The following CMTM4 variants were observed in gnomAD, a reference collection of about 807,000 sequenced individuals.
The protein encoded by CMTM4 is CKLF like MARVEL transmembrane domain containing 4.
In CMTM4, 8 loss-of-function variants were observed where a neutral mutation model predicts 19.0. The observed-to-expected ratio is 0.42, with a 90% CI of 0.25 to 0.76. The LOEUF is 0.76. Ranked by LOEUF, CMTM4 falls within the 30% of genes least tolerant of loss-of-function variation. The pLI is 0.27. For missense variants in CMTM4, 228 were observed against 290.2 expected, an observed-to-expected ratio of 0.79 and a Z score of 1.56; for synonymous variants, 106 against 121.1, an observed-to-expected ratio of 0.88 and a Z score of 0.82.
chr16:66,613,117 A>T (rs534442600), downstream of CMTM4: 5 of 703,036 alleles, frequency 7.1e-6, no homozygotes, highest in South Asian at 7.4e-5. Context: ...CACTTTGGTG[A>T]CAATGACCCT....
At position 66,649,662 on chromosome 16, in the gene CMTM4, C is replaced by T. The variant is rs2016275059; in HGVS notation, c.187-13081G>A. On this transcript the variant is annotated intron_variant, in intron 1 of 3. Transcript: ENST00000394106. ...CTCAGCAGCCTCCCCACTCCCTAAG[C>T]CTGGGCTCAACCTCAGCCTTGCACT... 2.0e-5 allele frequency among the ~76,000 whole-genome samples: 3 copies of T among 152,270 alleles called. No individual in the cohort carries two copies. In the South Asian group the frequency reaches 6.2e-4, roughly 32 times the overall value.
intron 1 of CMTM4, among the ~76,000 whole-genome samples, chr16:66,639,167 G>A (rs894725564): frequency 1.3e-5 from 2 of 152,046 alleles, no homozygotes; most frequent in African/African-American, 4.8e-5. Context: ...TGCCTAACTT[G>A]CAATCAATTC....
chr16:66,665,282 A>G (rs1437703422), intron 1 of CMTM4, among the ~76,000 whole-genome samples: 1 of 151,150 alleles, frequency 6.6e-6, no homozygotes, highest in African/African-American at 2.4e-5. Context: ...AAAAAAAAAA[A>G]AAAAAAATTT....
chr16:66,658,292 G>A (rs911401648), intron 1 of CMTM4, among the ~76,000 whole-genome samples: 1 of 151,402 alleles, frequency 6.6e-6, no homozygotes, highest in Admixed American at 6.6e-5. Flanking sequence ...AGGGAGGGGA[G>A]GAAACCATTA....
At chr16:66,653,717 G>A (rs2016351557) in intron 1 of CMTM4, among the ~76,000 whole-genome samples, 1 of 152,116 alleles carries the variant, frequency 6.6e-6, no homozygotes, top group Non-Finnish European at 1.5e-5. Context: ...CATCCTGATA[G>A]AAACATGGTT....
At chr16:66,671,600 G>A (rs2144882018) in intron 1 of CMTM4, among the ~76,000 whole-genome samples, 1 of 152,228 alleles carries the variant, frequency 6.6e-6, no homozygotes, top group South Asian at 2.1e-4. Flanking sequence ...CCAGACTGTT[G>A]CTTACACAGC....
At chr16:66,686,390 A>C (rs938397584) in intron 1 of CMTM4, among the ~76,000 whole-genome samples, 8 of 151,456 alleles carry the variant, frequency 5.3e-5, no homozygotes, top group East Asian at 1.9e-4. Context: ...GGGAAACCCT[A>C]TCTCTACAAA....
At chr16:66,664,972 G>C (rs531276528) in intron 1 of CMTM4, among the ~76,000 whole-genome samples, 2 of 151,890 alleles carry the variant, frequency 1.3e-5, no homozygotes, top group Admixed American at 6.6e-5. Flanking sequence ...CTCCGAGAGA[G>C]AGTCTCCCTC....
chr16:66,689,338 T>C (rs1370796609), intron 1 of CMTM4, among the ~76,000 whole-genome samples: 2 of 152,232 alleles, frequency 1.3e-5, no homozygotes. Flanking sequence ...GCTGACAGCA[T>C]TTATTATGGA....
chr16:66,619,299 T>TA lies in CMTM4; in HGVS notation c.*2758dup. 1 of 985,468 alleles carries TA rather than the reference T, an allele frequency of 1.0e-6. No individual in the cohort carries two copies. Among genetic ancestry groups the TA allele is most frequent in the Non-Finnish European group, 1.2e-6 (1 of 829,936 alleles). The allele number at this position is 985,468 out of a possible 1,614,324, so 61.0% of individuals were successfully genotyped here. A position where few individuals can be genotyped will look rare whatever the true frequency, so the allele number is the denominator to read the frequency against. ...GAGGACATCAGTGTTTGCATCCATC[T>TA]AAAACCACCAGAGGTTCCACCAAAT... On this transcript the variant is annotated 3_prime_UTR_variant, in exon 4 of 4. Transcript: ENST00000394106.
At chr16:66,600,759 C>T in the CMTM4 span, among the ~76,000 whole-genome samples, 2 of 152,180 alleles carry the variant, frequency 1.3e-5, no homozygotes, top group Non-Finnish European at 2.9e-5. Context: ...CCACCATCAC[C>T]AGCAGCAGCA....
At chr16:66,661,898 A>G (rs1212967735) in intron 1 of CMTM4, among the ~76,000 whole-genome samples, 1 of 152,144 alleles carries the variant, frequency 6.6e-6, no homozygotes, top group African/African-American at 2.4e-5. Context: ...GCACCACTGC[A>G]CTCCAGCCTG....
At chr16:66,683,161 G>GTATATATATATATACATATA (rs1491447885) in intron 1 of CMTM4, among the ~76,000 whole-genome samples, 1 of 81,504 alleles carries the variant, frequency 1.2e-5, no homozygotes, top group African/African-American at 4.5e-5. Context: ...ATATATATAC[G>GTATATATATATATACATATA]TATATATATA....
chr16:66,696,603 T>TCGCCGCCGTCGCCGC lies in CMTM4; in HGVS notation c.-79_-78insGCGGCGACGGCGGCG, dbSNP rs2017243174. ...GGGCGGACTCAGCGGGGCCGCCGCA[T>TCGCCGCCGTCGCCGC]CGCCGCCGCCGCCGCCGCCGCCGCC... On this transcript the variant is annotated 5_prime_UTR_variant, in exon 1 of 4. Coordinates refer to ENST00000394106, the MANE Select transcript of CMTM4 (RefSeq NM_181521.3). This position sits in a 1 kb window ranked among gnomAD's most constrained non-coding sequence, Gnocchi z 4.3. 1 of 814,824 alleles carries TCGCCGCCGTCGCCGC rather than the reference T, an allele frequency of 1.2e-6. No homozygotes were observed. Among genetic ancestry groups the TCGCCGCCGTCGCCGC allele is most frequent in the Middle Eastern group, 6.1e-4 (1 of 1,630 alleles). The allele number at this position is 814,824 out of a possible 1,614,324, so 50.5% of individuals were successfully genotyped here. A position where few individuals can be genotyped will look rare whatever the true frequency, so the allele number is the denominator to read the frequency against.
chr16:66,694,250 C>A (rs1373033962), intron 1 of CMTM4, among the ~76,000 whole-genome samples: 1 of 152,148 alleles, frequency 6.6e-6, no homozygotes, highest in South Asian at 2.1e-4. Context: ...GATTTCAATT[C>A]TTTTACTAGA....
At chr16:66,613,084 T>C (rs1328733933), downstream of CMTM4, 1 of 703,034 alleles carries the variant, frequency 1.4e-6, no homozygotes. Context: ...TTGTCTGCAC[T>C]TGGTGCTCCT....
chr16:66,601,492 G>T, the CMTM4 span, among the ~76,000 whole-genome samples: 1 of 152,320 alleles, frequency 6.6e-6, no homozygotes, highest in South Asian at 2.1e-4. Flanking sequence ...CAGAGTGGAG[G>T]AAGTGTGAGC....
intron 1 of CMTM4, among the ~76,000 whole-genome samples, chr16:66,674,035 C>T (rs1026826894): frequency 7.9e-5 from 12 of 152,236 alleles, no homozygotes; most frequent in Non-Finnish European, 8.8e-5. Context: ...GGGCAGATCC[C>T]TCTCATGCCC....
Position 66,636,429 on chromosome 16 carries a change from G to A in CMTM4, c.339C>T (p.Ile113=), listed in dbSNP as rs1263217043. The change falls in exon 2 of 4, where the codon ATC becomes ATT. Residue 113 remains isoleucine, a synonymous_variant. Transcript: ENST00000394106. ...CTGTCAGATTCCAGTTGATCTGGGG[G>A]ATCCTCATGTGCAGGTTGAGACTGA... ...IMFSLNLHMR[I]PQINWNLTDL... is the part of the protein sequence containing the mutation. 1 of 1,614,100 alleles carries A rather than the reference G, an allele frequency of 6.2e-7. No individual in the cohort carries two copies. Among genetic ancestry groups the A allele is most frequent in the East Asian group, 2.2e-5 (1 of 44,878 alleles).
Sources: gnomAD v4.1 joint callset for allele counts (sites outside exome capture counted in the v4.1 genomes callset) on GRCh38, gnomAD v4.1.1 for gene constraint, Gnocchi (gnomAD v3.1) non-coding constraint, MANE v1.5 for transcripts, NCBI Gene and HGNC (gene_info 2026-07-23, HGNC 2026-07-21) for gene names.